Variants in KLF8 observed in about 807,000 individuals in gnomAD.
KLF8 encodes Krueppel-like factor 8.
In KLF8, 10 loss-of-function variants were observed where a neutral mutation model predicts 18.2. The ratio of observed to expected loss-of-function variants is 0.55; its 90% CI spans 0.34 to 0.93. The LOEUF (loss-of-function observed/expected upper bound fraction) is 0.93. KLF8 is among the 40% of genes least tolerant of loss of function. The probability of loss-of-function intolerance (pLI) is 0.02; values close to 1 mark genes in which losing one functional copy is unlikely to be tolerated. For synonymous variants in KLF8, 109 were observed against 97.3 expected, an observed-to-expected ratio of 1.12 and a Z score of -0.71; for missense variants, 264 against 277.9, an observed-to-expected ratio of 0.95 and a Z score of 0.36.
chrX:56,179,292 T>C, the KLF8 span, among the ~76,000 whole-genome samples: 1 of 112,000 alleles, frequency 8.9e-6, no homozygotes, highest in Non-Finnish European at 1.9e-5. Context: ...GCTCTCTGTT[T>C]GTCTGTTATT....
At chrX:55,954,852 A>T in the KLF8 span, among the ~76,000 whole-genome samples, 1 of 111,991 alleles carries the variant, frequency 8.9e-6, no homozygotes, top group South Asian at 3.7e-4. Context: ...AATATTCAAC[A>T]GTGGGCAGGA....
At chrX:56,245,515 A>G (rs1394054562) in intron 1 of KLF8, among the ~76,000 whole-genome samples, 1 of 112,139 alleles carries the variant, frequency 8.9e-6, no homozygotes, top group Non-Finnish European at 1.9e-5. Context: ...TATATGAGAC[A>G]TTGACCCACT....
At chrX:56,229,003 A>C (rs934121075), upstream of KLF8, among the ~76,000 whole-genome samples, 1 of 108,980 alleles carries the variant, frequency 9.2e-6, no homozygotes, top group Admixed American at 9.8e-5. Context: ...CCATCTACCC[A>C]CCCTTCCTCA....
At chrX:55,991,469 G>A in the KLF8 span, among the ~76,000 whole-genome samples, 3 of 111,630 alleles carry the variant, frequency 2.7e-5, no homozygotes, top group Non-Finnish European at 3.8e-5. Context: ...GCGATGCCTC[G>A]GCCTGCCTCG....
At chrX:56,135,654 A>G in the KLF8 span, among the ~76,000 whole-genome samples, 1 of 110,457 alleles carries the variant, frequency 9.1e-6, no homozygotes, top group Admixed American at 9.7e-5. Context: ...TACATATGTA[A>G]CTAACCTGCA....
chrX:56,044,958 G>C, the KLF8 span, among the ~76,000 whole-genome samples: 1 of 112,234 alleles, frequency 8.9e-6, no homozygotes. Flanking sequence ...TTGGGTTCTT[G>C]GTCATGAACT....
chrX:56,082,636 G>A, the KLF8 span, among the ~76,000 whole-genome samples: 1 of 109,489 alleles, frequency 9.1e-6, no homozygotes, highest in South Asian at 3.9e-4. Flanking sequence ...CATCACATAA[G>A]CTCCATTCTG....
At chrX:56,007,224 T>C in the KLF8 span, among the ~76,000 whole-genome samples, 4 of 111,354 alleles carry the variant, frequency 3.6e-5, no homozygotes, top group Non-Finnish European at 7.5e-5. Context: ...TGAGTGGGCA[T>C]GAGAGGATGT....
the KLF8 span, chrX:55,961,471 A>G: frequency 1.8e-6 from 1 of 550,081 alleles, no homozygotes. Flanking sequence ...GATTGCCACA[A>G]AAAATTTGGA....
At chrX:56,006,759 G>C in the KLF8 span, among the ~76,000 whole-genome samples, 1 of 112,371 alleles carries the variant, frequency 8.9e-6, no homozygotes, top group African/African-American at 3.2e-5. Context: ...TGGATTCATA[G>C]TTTGCAAATA....
chrX:56,192,749 G>T, the KLF8 span, among the ~76,000 whole-genome samples: 1 of 112,152 alleles, frequency 8.9e-6, no homozygotes, highest in African/African-American at 3.2e-5. Context: ...TGGGAAAACT[G>T]GATATCCATA....
chrX:56,122,176 G>A, the KLF8 span, among the ~76,000 whole-genome samples: 3 of 111,261 alleles, frequency 2.7e-5, no homozygotes, highest in Non-Finnish European at 5.7e-5. Context: ...CTCAATGACA[G>A]TTAATGGTCT....
chrX:56,207,651 C>T, the KLF8 span, among the ~76,000 whole-genome samples: 4 of 111,276 alleles, frequency 3.6e-5, no homozygotes, highest in Non-Finnish European at 5.6e-5. Flanking sequence ...TCACTATCAG[C>T]ATTTTGGTCA....
the KLF8 span, among the ~76,000 whole-genome samples, chrX:55,988,041 C>T: frequency 3.0e-4 from 33 of 111,549 alleles, no homozygotes; most frequent in East Asian, 5.6e-4. Context: ...CACTTTTTGA[C>T]GGGGTTCTTT....
At chrX:56,271,686 C>A (rs1253789367) in intron 5 of KLF8, among the ~76,000 whole-genome samples, 2 of 111,667 alleles carry the variant, frequency 1.8e-5, no homozygotes, top group Non-Finnish European at 3.8e-5. Context: ...TATTTGTTTG[C>A]TTCTCTTCCA....
chrX:56,074,198 C>A, the KLF8 span, among the ~76,000 whole-genome samples: 1 of 112,273 alleles, frequency 8.9e-6, no homozygotes, highest in Non-Finnish European at 1.9e-5. Flanking sequence ...ACAGCCTTAT[C>A]AGATATGTGA....
At chrX:56,208,886 C>T in the KLF8 span, among the ~76,000 whole-genome samples, 1 of 111,778 alleles carries the variant, frequency 8.9e-6, no homozygotes. Flanking sequence ...AACATATGGT[C>T]TATCCTTGAG....
chrX:56,097,931 A>G, the KLF8 span, among the ~76,000 whole-genome samples: 1 of 110,218 alleles, frequency 9.1e-6, no homozygotes, highest in Admixed American at 9.7e-5. Context: ...TGGAAGTCCT[A>G]GTTCTTGACT....
At chrX:56,105,834 A>G in the KLF8 span, among the ~76,000 whole-genome samples, 2 of 111,765 alleles carry the variant, frequency 1.8e-5, no homozygotes, top group Non-Finnish European at 3.8e-5. Context: ...ACAATTTGGC[A>G]TGCTTTTGCA....
Sources: gnomAD v4.1 joint callset for allele counts (sites outside exome capture counted in the v4.1 genomes callset) on GRCh38, gnomAD v4.1.1 for gene constraint, MANE v1.5 for transcripts, NCBI Gene and HGNC (gene_info 2026-07-23, HGNC 2026-07-21) for gene names.